ANAPC5: variants seen among roughly 807,000 people sequenced by gnomAD.
The protein encoded by ANAPC5 is anaphase promoting complex subunit 5, also known as anaphase-promoting complex subunit 5.
Under a neutral mutation model 91.3 loss-of-function variants are expected in ANAPC5, and 60 were observed. The ratio of observed to expected loss-of-function variants is 0.66; its 90% CI spans 0.53 to 0.81. ANAPC5 has a LOEUF of 0.81. ANAPC5 is among the 40% of genes least tolerant of loss of function. ANAPC5 has a pLI of 0.00. For missense variants in ANAPC5, 690 were observed against 931.5 expected (o/e 0.74, Z 3.37); for synonymous variants, 340 against 364.1 (o/e 0.93, Z 0.75).
rs1181552841 is a variant in ANAPC5, at chr12:121,352,350, AGACTAAGTCTCGGGCCC to A, written c.-27_-11del. On this transcript the variant is annotated 5_prime_UTR_variant, in exon 1 of 17. Coordinates refer to ENST00000261819, the MANE Select transcript of ANAPC5 (RefSeq NM_016237.5). The stretch of plus-strand genomic sequence containing the variant: ...CGTGGACGCTGGCCATGGCGGCCCG[AGACTAAGTCTCGGGCCC>A]GCGGCGCGCTGCCGCCAGTTGTCAC... 6.3e-7 allele frequency: 1 copy of A among 1,587,074 alleles called. No homozygotes were observed. Among genetic ancestry groups the A allele is most frequent in the Non-Finnish European group, 8.6e-7 (1 of 1,163,662 alleles).
intron 8 of ANAPC5, 151 bp from the exon 9 acceptor site, chr12:121,330,823 C>T: frequency 1.7e-6 from 1 of 604,554 alleles, no homozygotes. Flanking sequence ...CTCAATGAGA[C>T]CTGTCAAACA....
intron 15 of ANAPC5, among the ~76,000 whole-genome samples, chr12:121,316,699 C>T (rs1902378220): frequency 7.2e-6 from 1 of 139,582 alleles, no homozygotes; most frequent in African/African-American, 2.7e-5. Context: ...CACCACTGCA[C>T]TCCAGCCTGG....
intron 15 of ANAPC5, among the ~76,000 whole-genome samples, chr12:121,311,774 A>C (rs1403447334): frequency 2.6e-5 from 4 of 152,156 alleles, no homozygotes; most frequent in Non-Finnish European, 5.9e-5. Context: ...TTGAGGGTGC[A>C]GTGAGCCATG....
intron 9 of ANAPC5, 97 bp from the exon 10 acceptor site, chr12:121,328,594 T>C (rs1253806765): frequency 1.5e-5 from 17 of 1,147,424 alleles, no homozygotes; most frequent in East Asian, 4.9e-5. Flanking sequence ...TTTCAGCACA[T>C]GCACAGTGAC....
chr12:121,327,260 T>C (rs782600216), intron 10 of ANAPC5, 29 bp from the exon 11 acceptor site: 2 of 1,608,470 alleles, frequency 1.2e-6, no homozygotes, highest in Non-Finnish European at 1.7e-6. Context: ...CAGGATTTCC[T>C]TTCAGCAGCA....
chr12:121,340,506 T>C (rs1555273993), intron 5 of ANAPC5, among the ~76,000 whole-genome samples: 1 of 152,096 alleles, frequency 6.6e-6, no homozygotes. Context: ...TCTAATCTGT[T>C]TGAAATTCAT....
chr12:121,319,898 CT>C, intron 12 of ANAPC5, 80 bp from the exon 13 acceptor site: 1 of 1,349,882 alleles, frequency 7.4e-7, no homozygotes, highest in Non-Finnish European at 1.0e-6. Context: ...TTTTGGATTG[CT>C]TAGCAAATAT....
chr12:121,328,557 C>T, intron 9 of ANAPC5, 60 bp from the exon 10 acceptor site: 1 of 1,526,450 alleles, frequency 6.6e-7, no homozygotes, highest in Non-Finnish European at 9.0e-7. Context: ...ATTTGTTTTG[C>T]TCTTCAGAAA....
At chr12:121,327,913 A>T (rs1319556295) in intron 10 of ANAPC5, 1 of 172,230 alleles carries the variant, frequency 5.8e-6, no homozygotes, top group Non-Finnish European at 1.2e-5. Flanking sequence ...GCAACCATGG[A>T]TCATGCCTCC....
intron 6 of ANAPC5, 58 bp downstream of exon 6, chr12:121,337,233 A>G: frequency 1.4e-6 from 2 of 1,421,268 alleles, no homozygotes; most frequent in Non-Finnish European, 2.0e-6. Flanking sequence ...CAAACAAACA[A>G]AAAAAGTTGC....
intron 11 of ANAPC5, among the ~76,000 whole-genome samples, chr12:121,323,245 T>C (rs1261225698): frequency 1.3e-5 from 2 of 152,228 alleles, no homozygotes; most frequent in Non-Finnish European, 2.9e-5. Flanking sequence ...AATGACTAGA[T>C]TGAAATGTTT....
intron 8 of ANAPC5, 186 bp downstream of exon 8, chr12:121,331,161 A>G (rs1903029181): frequency 5.7e-6 from 3 of 527,876 alleles, no homozygotes; most frequent in African/African-American, 3.8e-5. Flanking sequence ...AGCAAAACAG[A>G]TGTCATGAAT....
At chr12:121,317,454 A>C (rs1902416289) in intron 15 of ANAPC5, among the ~76,000 whole-genome samples, 1 of 151,910 alleles carries the variant, frequency 6.6e-6, no homozygotes, top group African/African-American at 2.4e-5. Context: ...GGGTTTCACC[A>C]TGCTGGCCAG....
chr12:121,347,699 G>T, intron 2 of ANAPC5, 103 bp downstream of exon 2: 1 of 865,910 alleles, frequency 1.2e-6, no homozygotes, highest in South Asian at 1.6e-5. Context: ...ACAACCTAGG[G>T]TAATAAAGGT....
chr12:121,315,545 TAATC>T (rs1902322403), intron 15 of ANAPC5, among the ~76,000 whole-genome samples: 2 of 152,198 alleles, frequency 1.3e-5, no homozygotes, highest in Admixed American at 1.3e-4. Flanking sequence ...AAAGCTATAG[TAATC>T]AAAACAAAGT....
At chr12:121,311,260 T>TA (rs1254150858) in intron 15 of ANAPC5, among the ~76,000 whole-genome samples, 1 of 151,848 alleles carries the variant, frequency 6.6e-6, no homozygotes. Context: ...ACCCTGTCTC[T>TA]AAAAAAATAA....
At chr12:121,328,557 C>A in intron 9 of ANAPC5, 60 bp from the exon 10 acceptor site, 1 of 1,526,450 alleles carries the variant, frequency 6.6e-7, no homozygotes, top group Non-Finnish European at 9.0e-7. Context: ...ATTTGTTTTG[C>A]TCTTCAGAAA....
At chr12:121,346,122 G>A in intron 3 of ANAPC5, 91 bp from the exon 4 acceptor site, 5 of 1,043,730 alleles carry the variant, frequency 4.8e-6, no homozygotes, top group Non-Finnish European at 7.0e-6. Flanking sequence ...CTGTCTGCTG[G>A]AATTCTTCCT....
intron 5 of ANAPC5, among the ~76,000 whole-genome samples, chr12:121,341,693 G>A (rs2136809067): frequency 6.6e-6 from 1 of 152,282 alleles, no homozygotes; most frequent in African/African-American, 2.4e-5. Flanking sequence ...CTTTATGTTT[G>A]CAAATGTCTA....
Sources: allele counts gnomAD v4.1 joint callset (sites outside exome capture counted in the v4.1 genomes callset), GRCh38; gene constraint gnomAD v4.1.1; transcripts MANE v1.5; gene names NCBI Gene and HGNC (gene_info 2026-07-23, HGNC 2026-07-21).